Variants in GABRB3 observed in about 807,000 individuals in gnomAD.
GABRB3 encodes gamma-aminobutyric acid receptor subunit beta-3.
GABRB3 carries 14 observed loss-of-function variants against 52.1 expected under a neutral mutation model. The observed-to-expected ratio is 0.27, with a 90% CI of 0.18 to 0.42. The LOEUF is 0.42. GABRB3 is among the 10% of genes least tolerant of loss of function. The pLI, the probability that GABRB3 is intolerant of heterozygous loss-of-function variation, is 1.00. For missense variants in GABRB3, 307 were observed against 609.1 expected (o/e 0.50, Z 5.22); for synonymous variants, 260 against 232.3 (o/e 1.12, Z -1.08).
At chr15:26,748,388 C>A (rs1444963152) in intron 3 of GABRB3, among the ~76,000 whole-genome samples, 1 of 152,148 alleles carries the variant, frequency 6.6e-6, no homozygotes. Context: ...AATTCAATTT[C>A]TTTAGTCATT....
intron 6 of GABRB3, among the ~76,000 whole-genome samples, chr15:26,575,505 C>T (rs1184637787): frequency 6.6e-6 from 1 of 152,076 alleles, no homozygotes; most frequent in African/African-American, 2.4e-5. Context: ...AATGTTTCAT[C>T]TATCTTTTCT....
intron 3 of GABRB3, among the ~76,000 whole-genome samples, chr15:26,767,413 T>C (rs1379806830): frequency 6.6e-6 from 1 of 152,214 alleles, no homozygotes; most frequent in Non-Finnish European, 1.5e-5. Flanking sequence ...CCTGCTAACA[T>C]GTGATAGTGT....
At chr15:26,738,845 AAATT>A (rs1389894181) in intron 3 of GABRB3, among the ~76,000 whole-genome samples, 1 of 152,178 alleles carries the variant, frequency 6.6e-6, no homozygotes, top group Non-Finnish European at 1.5e-5. Context: ...TATCCATGAG[AAATT>A]AGCCATATAT....
chr15:26,655,736 T>A (rs372005309), intron 3 of GABRB3, among the ~76,000 whole-genome samples: 11 of 149,660 alleles, frequency 7.3e-5, no homozygotes, highest in African/African-American at 2.7e-4. Context: ...AGCGAGACTC[T>A]GTCTCAAAAA....
intron 3 of GABRB3, among the ~76,000 whole-genome samples, chr15:26,711,252 T>A (rs1889284599): frequency 6.6e-6 from 1 of 152,194 alleles, no homozygotes; most frequent in Admixed American, 6.6e-5. Flanking sequence ...AAAGAACTCC[T>A]CCTTTTCTAT....
chr15:26,561,301 G>C, intron 7 of GABRB3, 125 bp from the exon 8 acceptor site: 1 of 1,343,344 alleles, frequency 7.4e-7, no homozygotes, highest in Non-Finnish European at 1.1e-6. Context: ...ATACTGTGGG[G>C]TGACTGGAAT....
At chr15:26,611,932 A>C (rs1305237513) in intron 4 of GABRB3, 1 of 152,192 alleles carries the variant, frequency 6.6e-6, no homozygotes, top group Non-Finnish European at 1.5e-5. Context: ...ATTTCACATA[A>C]ATGTTCGCAT....
At chr15:26,727,279 G>A (rs1396791519) in intron 3 of GABRB3, among the ~76,000 whole-genome samples, 1 of 152,170 alleles carries the variant, frequency 6.6e-6, no homozygotes, top group Non-Finnish European at 1.5e-5. Context: ...CTACAGTAAG[G>A]AAGACATGTC....
chr15:26,741,056 G>A, intron 3 of GABRB3, among the ~76,000 whole-genome samples: 1 of 56,606 alleles, frequency 1.8e-5, no homozygotes, highest in South Asian at 1.1e-3. Flanking sequence ...GTGTGTGTGT[G>A]TGTGTGTGTG....
intron 3 of GABRB3, among the ~76,000 whole-genome samples, chr15:26,713,014 C>A (rs1028261100): frequency 3.4e-4 from 52 of 152,314 alleles, no homozygotes; most frequent in African/African-American, 1.1e-3. Flanking sequence ...AAGCAGCATG[C>A]CACCATGGGG....
At chr15:26,561,827 C>T (rs1210780778) in intron 7 of GABRB3, among the ~76,000 whole-genome samples, 1 of 152,224 alleles carries the variant, frequency 6.6e-6, no homozygotes, top group Non-Finnish European at 1.5e-5. Context: ...CGACTTCCCT[C>T]CTCAACTAAG....
At chr15:26,766,519 C>A (rs924346208) in intron 3 of GABRB3, among the ~76,000 whole-genome samples, 2 of 152,202 alleles carry the variant, frequency 1.3e-5, no homozygotes, top group African/African-American at 4.8e-5. Flanking sequence ...CTACTCCATT[C>A]TTCATTTAAA....
At chr15:26,568,088 T>C (rs1890247401) in intron 6 of GABRB3, among the ~76,000 whole-genome samples, 1 of 152,262 alleles carries the variant, frequency 6.6e-6, no homozygotes, top group African/African-American at 2.4e-5. Context: ...AGCGGAGATG[T>C]GGCTCAAGGC....
chr15:26,643,806 GA>G, intron 3 of GABRB3, among the ~76,000 whole-genome samples: 1 of 152,274 alleles, frequency 6.6e-6, no homozygotes, highest in South Asian at 2.1e-4. Flanking sequence ...GAGACAATAA[GA>G]CACTGTCAGG....
intron 8 of GABRB3, among the ~76,000 whole-genome samples, chr15:26,560,299 C>A (rs768592816): frequency 6.6e-6 from 1 of 152,156 alleles, no homozygotes; most frequent in Non-Finnish European, 1.5e-5. Flanking sequence ...TTTAAAAAAC[C>A]ATTAGGCCCT....
At position 26,650,772 on chromosome 15, in the gene GABRB3, A is replaced by G. The variant is rs1177371066; in HGVS notation, c.241-29238T>C. Among the ~76,000 whole-genome samples the G allele has an allele frequency of 2.0e-5, 3 of 152,188 alleles. No homozygotes were observed. The East Asian group carries it at 5.8e-4, about 30-fold the overall frequency. ...TATTTTGCATGCTCACAAACCAATC[A>G]GCATGCACTTCCCATCCTGTGCCTA... is the stretch of plus-strand genomic sequence containing the variant. On this transcript the variant is annotated intron_variant, in intron 3 of 8. Transcript: ENST00000311550.
chr15:26,760,181 G>A lies in GABRB3; in HGVS notation c.240+12221C>T, dbSNP rs557553343. ...GGCTCCGTGCCACTGACCACCATGT[G>A]GACAACCAATTAAACCACATGCAGT... On this transcript the variant is annotated intron_variant, in intron 3 of 8. Coordinates refer to ENST00000311550, the MANE Select transcript of GABRB3 (RefSeq NM_000814.6). Among the ~76,000 whole-genome samples, 3 of 152,270 alleles carry A rather than the reference G, an allele frequency of 2.0e-5. No individual in the cohort carries two copies. The South Asian group carries it at 6.2e-4, about 32-fold the overall frequency.
chr15:26,773,689 G>A, upstream of GABRB3: 1 of 1,576,286 alleles, frequency 6.3e-7, no homozygotes, highest in East Asian at 2.3e-5. Flanking sequence ...AGGAGAGCCA[G>A]ATGGGCAGCA....
At chr15:26,588,576 A>G (rs1213195856) in intron 4 of GABRB3, among the ~76,000 whole-genome samples, 2 of 152,172 alleles carry the variant, frequency 1.3e-5, no homozygotes, top group African/African-American at 4.8e-5. Flanking sequence ...TAAACATACA[A>G]GATACATTCA....
Sources: gnomAD v4.1 joint callset for allele counts (sites outside exome capture counted in the v4.1 genomes callset) on GRCh38, gnomAD v4.1.1 for gene constraint, MANE v1.5 for transcripts, NCBI Gene and HGNC (gene_info 2026-07-23, HGNC 2026-07-21) for gene names.